EPC1: variants seen among roughly 807,000 people sequenced by gnomAD.
EPC1 encodes the protein enhancer of polycomb homolog 1.
A neutral mutation model predicts 98.4 loss-of-function variants in EPC1; 12 were observed. The ratio of observed to expected loss-of-function variants is 0.12; its 90% CI spans 0.08 to 0.20. The LOEUF (loss-of-function observed/expected upper bound fraction) is 0.20, where lower values mean the gene tolerates loss of function less well. Among genes scored for constraint, EPC1 ranks in the 10% least tolerant of loss-of-function variants. The pLI, the probability that EPC1 is intolerant of heterozygous loss-of-function variation, is 1.00. For missense variants in EPC1, 729 were observed against 990.5 expected (o/e 0.74, Z 3.54); for synonymous variants, 357 against 363.9 (o/e 0.98, Z 0.21).
chr10:32,304,528 G>A (rs1389376034), intron 2 of EPC1, among the ~76,000 whole-genome samples: 1 of 152,170 alleles, frequency 6.6e-6, no homozygotes, highest in Non-Finnish European at 1.5e-5. Context: ...AAGTAGACTA[G>A]TTAAAATTGG....
intron 1 of EPC1, among the ~76,000 whole-genome samples, chr10:32,324,591 A>G (rs1837151887): frequency 6.6e-6 from 1 of 152,010 alleles, no homozygotes; most frequent in African/African-American, 2.4e-5. Flanking sequence ...TACTTAATAA[A>G]TAAGTAGATA....
intron 1 of EPC1, among the ~76,000 whole-genome samples, chr10:32,374,723 A>C (rs1025801806): frequency 6.6e-6 from 1 of 152,092 alleles, no homozygotes; most frequent in Non-Finnish European, 1.5e-5. Context: ...CACATCTAAG[A>C]CCTTAGATTT....
chr10:32,301,275 A>C (rs1262628439), intron 2 of EPC1, among the ~76,000 whole-genome samples: 1 of 152,206 alleles, frequency 6.6e-6, no homozygotes, highest in Non-Finnish European at 1.5e-5. Flanking sequence ...AATGAAAGAG[A>C]TAAAAAAAGA....
chr10:32,270,211 T>A (rs1430306783), intron 13 of EPC1, among the ~76,000 whole-genome samples: 1 of 152,232 alleles, frequency 6.6e-6, no homozygotes, highest in East Asian at 1.9e-4. Context: ...TTTCTCCTTA[T>A]ACTGAATTAC....
At chr10:32,314,634 GCTTT>G (rs1185868852) in intron 1 of EPC1, among the ~76,000 whole-genome samples, 1 of 152,136 alleles carries the variant, frequency 6.6e-6, no homozygotes, top group Non-Finnish European at 1.5e-5. Flanking sequence ...TTTTCAGGTG[GCTTT>G]CTATGGTCTC....
At chr10:32,343,421 GGCTGGTCTC>G in intron 1 of EPC1, among the ~76,000 whole-genome samples, 1 of 152,290 alleles carries the variant, frequency 6.6e-6, no homozygotes, top group South Asian at 2.1e-4. Flanking sequence ...ATGTTGGCCA[GGCTGGTCTC>G]GAACTCCTGA....
intron 1 of EPC1, among the ~76,000 whole-genome samples, chr10:32,369,517 A>C (rs1839690424): frequency 6.6e-6 from 1 of 152,248 alleles, no homozygotes; most frequent in Non-Finnish European, 1.5e-5. Flanking sequence ...AATTTGAACA[A>C]GCTAAGAAGG....
intron 11 of EPC1, chr10:32,272,919 G>A (rs1257778732): frequency 4.0e-6 from 4 of 1,012,376 alleles, no homozygotes; most frequent in African/African-American, 1.6e-5. Context: ...TGGACTACAG[G>A]TCAGACGGGA....
rs74918223 is a variant in EPC1, at chr10:32,291,141, T to C, written c.975+22A>G. The stretch of plus-strand genomic sequence containing the variant: ...AATACCATCCCATTATTAGATACTA[T>C]TATCACAAAAACATTAATCACCTTA... On this transcript the variant is annotated intron_variant, in intron 6 of 13. Transcript: ENST00000319778. The C allele has an allele frequency of 3.6e-3, 5,814 of 1,599,662 alleles. 172 individuals carry two copies. In the African/African-American group the frequency reaches 0.064, roughly 18 times the overall value.
chr10:32,297,740 G>A (rs558615191), intron 2 of EPC1, among the ~76,000 whole-genome samples: 11 of 152,288 alleles, frequency 7.2e-5, no homozygotes, highest in African/African-American at 2.6e-4. Context: ...TAACTGCCAT[G>A]TAGACATAAA....
chr10:32,326,997 CAAAAA>C (rs139000044), intron 1 of EPC1, among the ~76,000 whole-genome samples: 2,572 of 75,422 alleles, frequency 0.034, 88 homozygotes, highest in African/African-American at 0.093. Flanking sequence ...AGAGGGTCCT[CAAAAA>C]AAAAAAAAAA....
chr10:32,365,336 C>A (rs1216383581), intron 1 of EPC1, among the ~76,000 whole-genome samples: 1 of 152,024 alleles, frequency 6.6e-6, no homozygotes, highest in Non-Finnish European at 1.5e-5. Context: ...AAATAACCAT[C>A]TAGTAATAAA....
At chr10:32,361,447 G>A (rs192427978) in intron 1 of EPC1, among the ~76,000 whole-genome samples, 73 of 152,242 alleles carry the variant, frequency 4.8e-4, no homozygotes, top group Admixed American at 1.9e-3. Context: ...TAGTAGTAGC[G>A]CCGAAAAGCT....
intron 1 of EPC1, among the ~76,000 whole-genome samples, chr10:32,345,840 G>C (rs1349577619): frequency 6.6e-6 from 1 of 152,182 alleles, no homozygotes; most frequent in Non-Finnish European, 1.5e-5. Flanking sequence ...TCGAAATTTA[G>C]ATCTATAAAA....
intron 1 of EPC1, among the ~76,000 whole-genome samples, chr10:32,309,753 G>C (rs1836098561): frequency 1.4e-5 from 2 of 147,738 alleles, no homozygotes; most frequent in East Asian, 2.0e-4. Flanking sequence ...TTATTATCTA[G>C]TATGGTAATT....
chr10:32,272,932 A>G (rs960362360), intron 11 of EPC1: 12 of 1,168,520 alleles, frequency 1.0e-5, no homozygotes, highest in Middle Eastern at 2.1e-4. Flanking sequence ...AGACGGGAAG[A>G]CAGTATCTTC....
At chr10:32,357,993 T>G (rs1372051607) in intron 1 of EPC1, among the ~76,000 whole-genome samples, 1 of 151,878 alleles carries the variant, frequency 6.6e-6, no homozygotes, top group African/African-American at 2.4e-5. Context: ...TAGCTGGGAT[T>G]ACAGGTGCCT....
Position 32,291,158 on chromosome 10 carries a change from A to C in EPC1, c.975+5T>G. The C allele has an allele frequency of 1.2e-6, 2 of 1,610,126 alleles. No individual in the cohort carries two copies. Among genetic ancestry groups the C allele is most frequent in the Non-Finnish European group, 1.7e-6 (2 of 1,176,802 alleles). On this transcript the variant is annotated splice_donor_5th_base_variant and intron_variant, in intron 6 of 13. Coordinates refer to ENST00000319778, the MANE Select transcript of EPC1 (RefSeq NM_001272004.3). Reference sequence around the variant, plus strand: ...AGATACTATTATCACAAAAACATTAATCACCTTATTAACTTTGAACTCCTT... The same window carrying C: ...AGATACTATTATCACAAAAACATTACTCACCTTATTAACTTTGAACTCCTT...
intron 1 of EPC1, among the ~76,000 whole-genome samples, chr10:32,344,482 T>C (rs2133051474): frequency 6.6e-6 from 1 of 152,286 alleles, no homozygotes; most frequent in East Asian, 1.9e-4. Context: ...TGATAGCCAC[T>C]GCAGTATAAA....
Sources: allele counts gnomAD v4.1 joint callset (sites outside exome capture counted in the v4.1 genomes callset), GRCh38; gene constraint gnomAD v4.1.1; transcripts MANE v1.5; gene names NCBI Gene and HGNC (gene_info 2026-07-23, HGNC 2026-07-21).